RBFOX3: variants seen among roughly 807,000 people sequenced by gnomAD.
RBFOX3 encodes RNA binding protein fox-1 homolog 3.
A neutral mutation model predicts 48.7 loss-of-function variants in RBFOX3; 17 were observed. The ratio of observed to expected loss-of-function variants is 0.35; its 90% CI spans 0.24 to 0.52. RBFOX3 has a LOEUF of 0.52. Ranked by LOEUF, RBFOX3 falls within the 20% of genes least tolerant of loss-of-function variation. RBFOX3 has a pLI of 0.94. For missense variants in RBFOX3, 382 were observed against 497.5 expected, an observed-to-expected ratio of 0.77 and a Z score of 2.21; for synonymous variants, 212 against 209.5, an observed-to-expected ratio of 1.01 and a Z score of -0.10.
At chr17:79,419,795 G>A (rs1487095165) in intron 2 of RBFOX3, among the ~76,000 whole-genome samples, 1 of 152,164 alleles carries the variant, frequency 6.6e-6, no homozygotes, top group African/African-American at 2.4e-5. Context: ...CTGGTGTCTT[G>A]GCATCCTCTC....
intron 2 of RBFOX3, among the ~76,000 whole-genome samples, chr17:79,419,844 G>A (rs900020271): frequency 1.3e-5 from 2 of 152,116 alleles, no homozygotes; most frequent in African/African-American, 2.4e-5. Context: ...TGGTTAACAG[G>A]GGCCGGGCGC....
intron 4 of RBFOX3, among the ~76,000 whole-genome samples, chr17:79,131,940 G>A (rs765515463): frequency 3.3e-5 from 5 of 152,178 alleles, no homozygotes; most frequent in Admixed American, 6.5e-5. Flanking sequence ...CGATTAAGCG[G>A]TAATTCTCTC....
intron 4 of RBFOX3, among the ~76,000 whole-genome samples, chr17:79,186,069 A>G (rs1383326617): frequency 6.6e-6 from 1 of 152,148 alleles, no homozygotes; most frequent in Non-Finnish European, 1.5e-5. Context: ...GGTCCCCACT[A>G]TCTGCATCTG....
Position 79,214,420 on chromosome 17 carries a change from T to C in RBFOX3, c.-34+21346A>G, listed in dbSNP as rs1257593327. Among the ~76,000 whole-genome samples the C allele has an allele frequency of 6.6e-6, 1 of 152,052 alleles. No homozygotes were observed. Among genetic ancestry groups the C allele is most frequent in the Non-Finnish European group, 1.5e-5 (1 of 68,008 alleles). On this transcript the variant is annotated intron_variant, in intron 4 of 14. Transcript: ENST00000693108. This position sits in a 1 kb window ranked among gnomAD's most constrained non-coding sequence, Gnocchi z 4.7. ...TCCAGCAACCAGGGAGGGTGGGGGC[T>C]CTCTTCTTGAGAAAAGTGATGCAAA...
chr17:79,294,841 C>T (rs1297104355), intron 3 of RBFOX3, among the ~76,000 whole-genome samples: 3 of 152,234 alleles, frequency 2.0e-5, no homozygotes, highest in African/African-American at 7.2e-5. Flanking sequence ...GATCTGCCTT[C>T]ATTAAATCCA....
intron 4 of RBFOX3, among the ~76,000 whole-genome samples, chr17:79,218,182 A>T (rs1056965240): frequency 1.3e-5 from 2 of 151,962 alleles, no homozygotes; most frequent in Non-Finnish European, 2.9e-5. Context: ...CATCAGGTGG[A>T]CAACAGGAAT....
chr17:79,463,124 GCCA>G (rs1408778324), intron 2 of RBFOX3, among the ~76,000 whole-genome samples: 1 of 132,088 alleles, frequency 7.6e-6, no homozygotes, highest in Non-Finnish European at 1.6e-5. Flanking sequence ...CACTGCCATC[GCCA>G]CCGCCACTGC....
At chr17:79,587,860 T>G (rs970857077) in intron 1 of RBFOX3, among the ~76,000 whole-genome samples, 38 of 152,188 alleles carry the variant, frequency 2.5e-4, no homozygotes, top group African/African-American at 8.9e-4. Flanking sequence ...TTTTTTCTTT[T>G]TAGAGATGGG....
At chr17:79,125,395 C>T (rs967821465) in intron 4 of RBFOX3, among the ~76,000 whole-genome samples, 2 of 152,348 alleles carry the variant, frequency 1.3e-5, no homozygotes, top group East Asian at 3.9e-4. Context: ...GAAGCACCCT[C>T]CATCTTCCAG....
Position 79,453,721 on chromosome 17 carries a change from G to A in RBFOX3, c.-175+28733C>T, listed in dbSNP as rs113378135. 8.1e-3 allele frequency among the ~76,000 whole-genome samples: 1,238 copies of A among 152,186 alleles called. 19 individuals are homozygous for A. The highest frequency in any genetic ancestry group is 0.028 in the African/African-American group (1,176 of 41,522). ...GCCGGTGTGTGCAGAGGCATCTCTG[G>A]GACAGGACTGGGGCTGGTGAGCCTC... On this transcript the variant is annotated intron_variant, in intron 2 of 14. Coordinates refer to ENST00000693108, the MANE Select transcript of RBFOX3 (RefSeq NM_001350451.2).
chr17:79,280,111 T>G (rs113715190), intron 3 of RBFOX3, among the ~76,000 whole-genome samples: 1,550 of 57,146 alleles, frequency 0.027, 24 homozygotes, highest in African/African-American at 0.1. Context: ...CACATGTGTA[T>G]GCACACACAC....
Position 79,297,969 on chromosome 17 carries a change from C to A in RBFOX3, c.-74+9755G>T, listed in dbSNP as rs77591409. On this transcript the variant is annotated intron_variant, in intron 3 of 14. Coordinates refer to ENST00000693108, the MANE Select transcript of RBFOX3 (RefSeq NM_001350451.2). ...GAAGATGTAACGGGTGGTAGTGTCC[C>A]ATTCTGGTAGCTTCTCCTTGTGGAG... Among the ~76,000 whole-genome samples the A allele has an allele frequency of 4.6e-3, 701 of 152,348 alleles. 4 individuals are homozygous for A. The highest frequency in any genetic ancestry group is 0.016 in the African/African-American group (663 of 41,572).
intron 2 of RBFOX3, among the ~76,000 whole-genome samples, chr17:79,416,405 A>G (rs2065358334): frequency 6.6e-6 from 1 of 152,206 alleles, no homozygotes; most frequent in Non-Finnish European, 1.5e-5. Flanking sequence ...CTCTCCTGCT[A>G]GGCATAGTAT....
intron 2 of RBFOX3, among the ~76,000 whole-genome samples, chr17:79,339,101 C>G (rs1288784871): frequency 6.6e-6 from 1 of 151,542 alleles, no homozygotes; most frequent in Non-Finnish European, 1.5e-5. Flanking sequence ...GTTGCCCAGG[C>G]TAGAGTACAG....
chr17:79,124,836 C>T (rs966432367), intron 4 of RBFOX3, among the ~76,000 whole-genome samples: 8 of 152,098 alleles, frequency 5.3e-5, no homozygotes, highest in Non-Finnish European at 1.0e-4. Flanking sequence ...GAGTGTGGGT[C>T]TGGTGTATTT....
At chr17:79,175,709 G>A (rs1341398639) in intron 4 of RBFOX3, among the ~76,000 whole-genome samples, 5 of 152,254 alleles carry the variant, frequency 3.3e-5, no homozygotes, top group African/African-American at 4.8e-5. Context: ...GGGCACGCCC[G>A]AGTTGCCGGC....
Position 79,317,784 on chromosome 17 carries a change from G to C in RBFOX3, c.-174-9960C>G, listed in dbSNP as rs112806769. 1.7e-3 allele frequency among the ~76,000 whole-genome samples: 251 copies of C among 152,120 alleles called. 2 individuals carry two copies. The highest frequency in any genetic ancestry group is 5.9e-3 in the African/African-American group (243 of 41,484). ...AAAAAAAAAAGTTGCAATGTTCGATGAGGCCATGGTGAACCTAAGGGTGCC... is the reference window on the plus strand; with the variant it reads ...AAAAAAAAAAGTTGCAATGTTCGATCAGGCCATGGTGAACCTAAGGGTGCC... On this transcript the variant is annotated intron_variant, in intron 2 of 14. Coordinates refer to ENST00000693108, the MANE Select transcript of RBFOX3 (RefSeq NM_001350451.2).
intron 2 of RBFOX3, among the ~76,000 whole-genome samples, chr17:79,457,881 G>A (rs1555746116): frequency 2.6e-5 from 4 of 152,220 alleles, no homozygotes; most frequent in Non-Finnish European, 5.9e-5. Context: ...GCAGAAAGAA[G>A]GTGTTCAGGA....
At chr17:79,209,991 C>T (rs374474475) in intron 4 of RBFOX3, among the ~76,000 whole-genome samples, 1,718 of 88,712 alleles carry the variant, frequency 0.019, 44 homozygotes, top group African/African-American at 0.062. Context: ...AGCAAGACTC[C>T]ATCTCAAAAA....
Sources: gnomAD v4.1 joint callset for allele counts (sites outside exome capture counted in the v4.1 genomes callset) on GRCh38, gnomAD v4.1.1 for gene constraint, Gnocchi (gnomAD v3.1) non-coding constraint, MANE v1.5 for transcripts, NCBI Gene and HGNC (gene_info 2026-07-23, HGNC 2026-07-21) for gene names.